CTNNA3: variants seen among roughly 807,000 people sequenced by gnomAD.
CTNNA3 encodes catenin alpha-3.
CTNNA3 carries 76 observed loss-of-function variants against 95.7 expected under a neutral mutation model. That is an observed-to-expected ratio of 0.79 (90% CI 0.66 to 0.96). The LOEUF is 0.96. Among genes scored for constraint, CTNNA3 ranks in the 40% least tolerant of loss-of-function variants. The probability of loss-of-function intolerance (pLI) is 0.00; values close to 1 mark genes in which losing one functional copy is unlikely to be tolerated. For missense variants in CTNNA3, 1,191 were observed against 1,089.8 expected, an observed-to-expected ratio of 1.09 and a Z score of -1.31; for synonymous variants, 431 against 374.4, an observed-to-expected ratio of 1.15 and a Z score of -1.74.
At chr10:66,359,272 A>G (rs980614051) in intron 12 of CTNNA3, among the ~76,000 whole-genome samples, 13 of 152,244 alleles carry the variant, frequency 8.5e-5, no homozygotes, top group African/African-American at 3.1e-4. Flanking sequence ...AGAACAGGAA[A>G]GTTTGCACTT....
At chr10:67,301,582 C>G (rs938896001) in intron 5 of CTNNA3, among the ~76,000 whole-genome samples, 6 of 151,978 alleles carry the variant, frequency 3.9e-5, no homozygotes, top group Non-Finnish European at 8.8e-5. Flanking sequence ...TCACAATAGC[C>G]AAGATATAGA....
chr10:66,066,405 T>TG (rs2080314036), intron 15 of CTNNA3, among the ~76,000 whole-genome samples: 1 of 152,084 alleles, frequency 6.6e-6, no homozygotes, highest in Non-Finnish European at 1.5e-5. Context: ...ATAATGCTTG[T>TG]GATTATATGT....
chr10:67,327,796 C>A (rs1841604474), intron 5 of CTNNA3, among the ~76,000 whole-genome samples: 1 of 152,300 alleles, frequency 6.6e-6, no homozygotes, highest in South Asian at 2.1e-4. Context: ...AAGTGTTCAC[C>A]ACAGTGGCAA....
intron 6 of CTNNA3, among the ~76,000 whole-genome samples, chr10:67,188,913 T>G (rs1232504310): frequency 6.6e-6 from 1 of 152,042 alleles, no homozygotes; most frequent in Non-Finnish European, 1.5e-5. Context: ...GTCCAGGAGT[T>G]CAAGACCAGC....
At chr10:66,209,762 T>C (rs2088012120) in intron 13 of CTNNA3, among the ~76,000 whole-genome samples, 1 of 152,180 alleles carries the variant, frequency 6.6e-6, no homozygotes, top group African/African-American at 2.4e-5. Context: ...ATCTGGGACA[T>C]AGGACAGTAA....
At chr10:67,303,733 G>A (rs993270789) in intron 5 of CTNNA3, among the ~76,000 whole-genome samples, 24 of 151,950 alleles carry the variant, frequency 1.6e-4, no homozygotes, top group African/African-American at 5.8e-4. Context: ...GAAATGTCAG[G>A]GATTGTTACT....
chr10:66,583,450 AT>A (rs1843260150), intron 10 of CTNNA3, among the ~76,000 whole-genome samples: 1 of 151,540 alleles, frequency 6.6e-6, no homozygotes, highest in Non-Finnish European at 1.5e-5. Context: ...TTTCCTCTAA[AT>A]TTTCTAGTTT....
chr10:67,740,551 T>C (rs1000985238), intron 1 of CTNNA3, among the ~76,000 whole-genome samples: 4 of 151,310 alleles, frequency 2.6e-5, no homozygotes, highest in Admixed American at 6.6e-5. Context: ...AAAAAACATA[T>C]GAAAAAATGC....
chr10:67,104,870 A>G (rs1280714292), intron 7 of CTNNA3, among the ~76,000 whole-genome samples: 2 of 152,048 alleles, frequency 1.3e-5, no homozygotes, highest in Non-Finnish European at 2.9e-5. Flanking sequence ...TAAATCCAGC[A>G]AAGAAAGAAA....
At chr10:66,149,219 TATAA>T (rs1481977157) in intron 13 of CTNNA3, among the ~76,000 whole-genome samples, 1 of 147,368 alleles carries the variant, frequency 6.8e-6, no homozygotes, top group Non-Finnish European at 1.5e-5. Context: ...ATATATAATA[TATAA>T]ATATATATAA....
chr10:67,473,529 G>T (rs1467722914), intron 5 of CTNNA3, among the ~76,000 whole-genome samples: 2 of 152,124 alleles, frequency 1.3e-5, no homozygotes, highest in Admixed American at 6.5e-5. Flanking sequence ...ATTATGCAGA[G>T]CAATTAGCTA....
chr10:66,008,273 A>G (rs1433897060), intron 15 of CTNNA3, among the ~76,000 whole-genome samples: 1 of 152,236 alleles, frequency 6.6e-6, no homozygotes, highest in East Asian at 1.9e-4. Flanking sequence ...AATCCTTTGC[A>G]GCTTTCAGGA....
At chr10:66,567,334 C>A (rs915616245) in intron 10 of CTNNA3, among the ~76,000 whole-genome samples, 7 of 152,010 alleles carry the variant, frequency 4.6e-5, no homozygotes, top group Non-Finnish European at 8.8e-5. Flanking sequence ...GACTTCATTT[C>A]CCTGGCCTGG....
At chr10:67,233,082 G>A (rs999480393) in intron 5 of CTNNA3, among the ~76,000 whole-genome samples, 2 of 152,168 alleles carry the variant, frequency 1.3e-5, no homozygotes, top group South Asian at 2.1e-4. Flanking sequence ...ACACCCCACT[G>A]TCAACATTAG....
At position 67,714,503 on chromosome 10, in the gene CTNNA3, CA is replaced by C. The variant is rs567106665; in HGVS notation, c.-2+48930del. On this transcript the variant is annotated intron_variant, in intron 1 of 17. Transcript: ENST00000684154. ...TATATTTACCCAATGCCTGTACGCC[CA>C]TTGTAGCTAGGGAGTAACTAACTTG... Among the ~76,000 whole-genome samples, 278 of 152,358 alleles carry C rather than the reference CA, an allele frequency of 1.8e-3. 3 individuals are homozygous for C. Among genetic ancestry groups the C allele is most frequent in the Middle Eastern group, 0.017 (5 of 294 alleles).
At chr10:67,396,749 T>C (rs1175283557) in intron 5 of CTNNA3, among the ~76,000 whole-genome samples, 1 of 152,086 alleles carries the variant, frequency 6.6e-6, no homozygotes, top group East Asian at 1.9e-4. Flanking sequence ...GTTTCCATAA[T>C]CCCCATGTGT....
chr10:66,789,331 C>T (rs560529800), intron 7 of CTNNA3, among the ~76,000 whole-genome samples: 20 of 151,998 alleles, frequency 1.3e-4, no homozygotes, highest in African/African-American at 4.8e-4. Context: ...TGCATCACCA[C>T]GCCCGGCTAA....
intron 7 of CTNNA3, among the ~76,000 whole-genome samples, chr10:66,883,951 GA>G (rs1345856778): frequency 6.6e-6 from 1 of 152,066 alleles, no homozygotes; most frequent in African/African-American, 2.4e-5. Flanking sequence ...TCATGATTCT[GA>G]AGGCTTGAAA....
chr10:67,525,051 A>T (rs1162024190), intron 4 of CTNNA3, among the ~76,000 whole-genome samples: 2 of 152,148 alleles, frequency 1.3e-5, no homozygotes, highest in Admixed American at 1.3e-4. Flanking sequence ...CAATTAATTG[A>T]AGAGATTTTT....
Sources: allele counts gnomAD v4.1 joint callset (sites outside exome capture counted in the v4.1 genomes callset), GRCh38; gene constraint gnomAD v4.1.1; transcripts MANE v1.5; gene names NCBI Gene and HGNC (gene_info 2026-07-23, HGNC 2026-07-21).